Variants in SEPTIN9 observed in about 807,000 individuals in gnomAD.
SEPTIN9 encodes septin-9.
Under a neutral mutation model 56.6 loss-of-function variants are expected in SEPTIN9, and 13 were observed. The observed-to-expected ratio is 0.23, with a 90% CI of 0.15 to 0.37. The LOEUF is 0.37. Ranked by LOEUF, SEPTIN9 falls within the 10% of genes least tolerant of loss-of-function variation. SEPTIN9 has a pLI of 1.00. For missense variants in SEPTIN9, 650 were observed against 823.1 expected (o/e 0.79, Z 2.57); for synonymous variants, 332 against 334.1 (o/e 0.99, Z 0.07).
chr17:77,333,387 C>T (rs1052833309), intron 2 of SEPTIN9, among the ~76,000 whole-genome samples: 4 of 151,994 alleles, frequency 2.6e-5, no homozygotes, highest in African/African-American at 9.7e-5. Context: ...TGTGGCTTGC[C>T]TGTTCATTTT....
chr17:77,338,664 C>T (rs2033632641), intron 2 of SEPTIN9, among the ~76,000 whole-genome samples: 1 of 152,208 alleles, frequency 6.6e-6, no homozygotes, highest in Non-Finnish European at 1.5e-5. Flanking sequence ...GGTGATCCAC[C>T]TGCCTTGGCC....
intron 3 of SEPTIN9, among the ~76,000 whole-genome samples, chr17:77,468,608 T>C (rs2038850255): frequency 1.3e-5 from 2 of 152,224 alleles, no homozygotes; most frequent in African/African-American, 2.4e-5. Flanking sequence ...TGTAAGAACA[T>C]TGAGGCACAG....
intron 1 of SEPTIN9, among the ~76,000 whole-genome samples, chr17:77,294,036 C>T (rs779048300): frequency 1.9e-4 from 28 of 149,040 alleles, no homozygotes; most frequent in Non-Finnish European, 3.3e-4. Flanking sequence ...CCCAGGAGGT[C>T]GAGGCTGCAG....
In SEPTIN9 at chr17:77,342,092, G is replaced by GAAAGAAA. The variant is rs1217522813; in HGVS notation, c.76+34908_76+34914dup. The stretch of plus-strand genomic sequence containing the variant: ...TCTGTCTCAAAAAAAAAAAAACAAA[G>GAAAGAAA]AAAGAAAAAAGAAAAAAGAGATCAC... On this transcript the variant is annotated intron_variant, in intron 2 of 11. Coordinates refer to ENST00000427177, the MANE Select transcript of SEPTIN9 (RefSeq NM_001113491.2). Among the ~76,000 whole-genome samples the GAAAGAAA allele has an allele frequency of 2.0e-5, 3 of 149,740 alleles. No individual in the cohort carries two copies. In the South Asian group the frequency reaches 6.3e-4, roughly 32 times the overall value.
chr17:77,324,941 C>T (rs1033256972), intron 2 of SEPTIN9, among the ~76,000 whole-genome samples: 8 of 151,696 alleles, frequency 5.3e-5, no homozygotes, highest in African/African-American at 1.7e-4. Context: ...GCCTCAGCCT[C>T]CTGAGTAGTT....
In SEPTIN9 at chr17:77,454,169, C is replaced by T. The variant is rs312838; in HGVS notation, c.722-27975C>T. 423 of 985,610 alleles carry T rather than the reference C, an allele frequency of 4.3e-4. No homozygotes were observed. In the African/African-American group the frequency reaches 6.0e-3, roughly 14 times the overall value. The allele number at this position is 985,610 out of a possible 1,614,324, so 61.1% of individuals were successfully genotyped here. A position where few individuals can be genotyped will look rare whatever the true frequency, so the allele number is the denominator to read the frequency against. ...CTGCAGCCCTCACCTTAACACAGAG[C>T]ATCGATACCACCTGGGCTTTGGGAA... On this transcript the variant is annotated intron_variant, in intron 3 of 11. Coordinates refer to ENST00000427177, the MANE Select transcript of SEPTIN9 (RefSeq NM_001113491.2).
chr17:77,302,770 T>C (rs917529720), intron 1 of SEPTIN9, among the ~76,000 whole-genome samples: 1 of 151,926 alleles, frequency 6.6e-6, no homozygotes, highest in African/African-American at 2.4e-5. Flanking sequence ...AAAGAGGGGC[T>C]GTACTTGGTG....
rs1276714432 is a variant in SEPTIN9 at position 77,445,368 on chromosome 17, G to T, written c.722-36776G>T. 1.1e-5 allele frequency: 5 copies of T among 465,408 alleles called. No individual in the cohort carries two copies. Among genetic ancestry groups the T allele is most frequent in the African/African-American group, 1.0e-4 (5 of 50,092 alleles). The allele number at this position is 465,408 out of a possible 1,614,324, so 28.8% of individuals were successfully genotyped here. A position where few individuals can be genotyped will look rare whatever the true frequency, so the allele number is the denominator to read the frequency against. On this transcript the variant is annotated intron_variant, in intron 3 of 11. Coordinates refer to ENST00000427177, the MANE Select transcript of SEPTIN9 (RefSeq NM_001113491.2). This position sits in a 1 kb window ranked among gnomAD's most constrained non-coding sequence, Gnocchi z 4.7. ...TCTTGGCATTTGATGGGAAGCATCTGCTGCATCCCATTGGGGTGTTGCCCA... is the reference window on the plus strand; with the variant it reads ...TCTTGGCATTTGATGGGAAGCATCTTCTGCATCCCATTGGGGTGTTGCCCA...
At chr17:77,309,301 C>T (rs1347923052) in intron 2 of SEPTIN9, among the ~76,000 whole-genome samples, 1 of 152,262 alleles carries the variant, frequency 6.6e-6, no homozygotes, top group Non-Finnish European at 1.5e-5. Context: ...GCATAATTTG[C>T]TGAATCCCAA....
intron 2 of SEPTIN9, among the ~76,000 whole-genome samples, chr17:77,340,526 A>G (rs1024962349): frequency 6.6e-6 from 1 of 152,190 alleles, no homozygotes; most frequent in Non-Finnish European, 1.5e-5. Context: ...TGAAGCATAG[A>G]CAGAATAGAT....
chr17:77,307,720 T>C (rs951324932), intron 2 of SEPTIN9, among the ~76,000 whole-genome samples: 1 of 152,028 alleles, frequency 6.6e-6, no homozygotes, highest in Non-Finnish European at 1.5e-5. Flanking sequence ...TGTTTGGAAA[T>C]TTTCCACACT....
intron 3 of SEPTIN9, among the ~76,000 whole-genome samples, chr17:77,411,440 A>C (rs1488870847): frequency 6.9e-6 from 1 of 145,658 alleles, no homozygotes; most frequent in Non-Finnish European, 1.5e-5. Flanking sequence ...GCTGGAGTGC[A>C]GTGGTGCGAT....
At position 77,498,678 on chromosome 17, in the gene SEPTIN9, CG is replaced by C; in HGVS notation, c.*23del. On this transcript the variant is annotated 3_prime_UTR_variant, in exon 12 of 12. Transcript: ENST00000427177. ...ATGTAGACGCCACCCTGCCCACCCC[CG>C]GGATCCTGCCCCCAAGTCATTTCCG... The C allele has an allele frequency of 1.3e-6, 2 of 1,511,232 alleles. No individual in the cohort carries two copies. The highest frequency in any genetic ancestry group is 1.8e-6 in the Non-Finnish European group (2 of 1,123,270). The allele number at this position is 1,511,232 out of a possible 1,614,324, so 93.6% of individuals were successfully genotyped here. A position where few individuals can be genotyped will look rare whatever the true frequency, so the allele number is the denominator to read the frequency against.
At position 77,405,130 on chromosome 17, in the gene SEPTIN9, C is replaced by T; in HGVS notation, c.721+2427C>T. 6.5e-7 allele frequency: 1 copy of T among 1,535,380 alleles called. No homozygotes were observed. Among genetic ancestry groups the T allele is most frequent in the Non-Finnish European group, 8.7e-7 (1 of 1,146,718 alleles). ...GATGCACAGGGACGTGGTCCTGGCT[C>T]TGGGGGACAGGTAGGGGGATGTCCA... On this transcript the variant is annotated intron_variant, in intron 3 of 11. Coordinates refer to ENST00000427177, the MANE Select transcript of SEPTIN9 (RefSeq NM_001113491.2). This position sits in a 1 kb window ranked among gnomAD's most constrained non-coding sequence, Gnocchi z 5.8.
chr17:77,471,469 G>A lies in SEPTIN9; in HGVS notation c.722-10675G>A, dbSNP rs117931051. Among the ~76,000 whole-genome samples, 311 of 152,384 alleles carry A rather than the reference G, an allele frequency of 2.0e-3. 5 individuals are homozygous for A. The East Asian group carries it at 0.048, about 23-fold the overall frequency. ...CCCCAGAGACCCTTGTCTAAGTTTT[G>A]TTATTTCAGATGATTTCATAAGTTG... is the stretch of plus-strand genomic sequence containing the variant. On this transcript the variant is annotated intron_variant, in intron 3 of 11. Transcript: ENST00000427177.
intron 3 of SEPTIN9, among the ~76,000 whole-genome samples, chr17:77,457,956 T>G (rs2038288729): frequency 6.6e-6 from 1 of 152,224 alleles, no homozygotes; most frequent in African/African-American, 2.4e-5. Context: ...CAGCGTCCCC[T>G]GGGTAAACCC....
chr17:77,492,435 C>G lies in SEPTIN9; in HGVS notation c.1381-186C>G, dbSNP rs1197847022. 1.3e-5 allele frequency among the ~76,000 whole-genome samples: 2 copies of G among 152,096 alleles called. No homozygotes were observed. Among genetic ancestry groups the G allele is most frequent in the Non-Finnish European group, 2.9e-5 (2 of 68,010 alleles). ...GCGTCGCTCAGGACAGCAGGTGCAC[C>G]TGCAGCTGCCCCTCTTCCCTCCAGG... On this transcript the variant is annotated intron_variant, in intron 8 of 11. Coordinates refer to ENST00000427177, the MANE Select transcript of SEPTIN9 (RefSeq NM_001113491.2). The surrounding 1 kb of genome is among the most constrained non-coding windows in gnomAD (Gnocchi z 5.4).
chr17:77,364,277 G>T (rs2034506596), intron 2 of SEPTIN9, among the ~76,000 whole-genome samples: 1 of 152,276 alleles, frequency 6.6e-6, no homozygotes, highest in South Asian at 2.1e-4. Flanking sequence ...CAGGTGCAAA[G>T]AGGGGTGCGG....
chr17:77,490,692 C>G (rs1042040112), intron 7 of SEPTIN9, 50 bp from the exon 8 acceptor site: 58 of 1,405,766 alleles, frequency 4.1e-5, no homozygotes, highest in Non-Finnish European at 5.7e-5. Flanking sequence ...GGGTGCCCCC[C>G]CACTGCCCCG....
Sources: allele counts gnomAD v4.1 joint callset (sites outside exome capture counted in the v4.1 genomes callset), GRCh38; gene constraint gnomAD v4.1.1; non-coding constraint Gnocchi (gnomAD v3.1); transcripts MANE v1.5; gene names NCBI Gene and HGNC (gene_info 2026-07-23, HGNC 2026-07-21).